SHTN1: variants seen among roughly 807,000 people sequenced by gnomAD.
SHTN1 encodes the protein shootin 1.
A neutral mutation model predicts 83.1 loss-of-function variants in SHTN1; 42 were observed. That is an observed-to-expected ratio of 0.51 (90% CI 0.39 to 0.65). SHTN1 has a LOEUF of 0.65. Among genes scored for constraint, SHTN1 ranks in the 30% least tolerant of loss-of-function variants. The pLI is 0.00. For synonymous variants in SHTN1, 224 were observed against 247.7 expected (o/e 0.90, Z 0.90); for missense variants, 622 against 737.8 (o/e 0.84, Z 1.82).
chr10:117,112,095 A>G (rs757517575), intron 1 of SHTN1, among the ~76,000 whole-genome samples: 2 of 152,072 alleles, frequency 1.3e-5, no homozygotes, highest in African/African-American at 2.4e-5. Flanking sequence ...CCTCCCAAGT[A>G]GCTGGAATTA....
At chr10:117,058,450 A>G (rs910586666) in intron 1 of SHTN1, among the ~76,000 whole-genome samples, 2 of 152,232 alleles carry the variant, frequency 1.3e-5, no homozygotes, top group Non-Finnish European at 1.5e-5. Flanking sequence ...ATCATTAAGT[A>G]AACACAAATC....
At chr10:116,908,548 T>G (rs974951780) in intron 14 of SHTN1, among the ~76,000 whole-genome samples, 1 of 152,222 alleles carries the variant, frequency 6.6e-6, no homozygotes. Flanking sequence ...CTATCATTTG[T>G]AAACAGATAT....
intron 8 of SHTN1, among the ~76,000 whole-genome samples, chr10:116,943,253 T>C (rs1057061882): frequency 6.6e-6 from 1 of 152,220 alleles, no homozygotes; most frequent in Non-Finnish European, 1.5e-5. Context: ...CATTTTTGTC[T>C]TCTTACTGCA....
upstream of SHTN1, chr10:117,005,238 T>C: frequency 6.7e-7 from 1 of 1,488,690 alleles, no homozygotes; most frequent in Non-Finnish European, 8.9e-7. Context: ...AGCGCGCGAG[T>C]GAGATCATCC....
chr10:117,065,157 G>A (rs1037125322), intron 1 of SHTN1, among the ~76,000 whole-genome samples: 2 of 152,122 alleles, frequency 1.3e-5, no homozygotes, highest in Non-Finnish European at 2.9e-5. Flanking sequence ...GGCCTGTAGG[G>A]AGGTTGGGGG....
At chr10:116,964,328 G>A (rs913132635) in intron 3 of SHTN1, among the ~76,000 whole-genome samples, 2 of 152,112 alleles carry the variant, frequency 1.3e-5, no homozygotes, top group East Asian at 1.9e-4. Context: ...TTGAGAACAC[G>A]GAGGCCCAGA....
intron 1 of SHTN1, among the ~76,000 whole-genome samples, chr10:117,064,072 C>A (rs1852937278): frequency 6.6e-6 from 1 of 152,156 alleles, no homozygotes; most frequent in African/African-American, 2.4e-5. Flanking sequence ...CCCTTTACAG[C>A]AAGTCTCATT....
chr10:117,123,499 A>G (rs1853960204), intron 1 of SHTN1, among the ~76,000 whole-genome samples: 1 of 152,182 alleles, frequency 6.6e-6, no homozygotes, highest in Admixed American at 6.5e-5. Context: ...CAATAATGAC[A>G]TAAGTGACCC....
intron 16 of SHTN1, chr10:116,900,733 G>T (rs1847701404): frequency 1.0e-6 from 1 of 983,944 alleles, no homozygotes; most frequent in Non-Finnish European, 1.2e-6. Context: ...CTTTCTGTTA[G>T]AACTGTTCAA....
chr10:117,013,858 A>G (rs1852142010), intron 2 of SHTN1, among the ~76,000 whole-genome samples: 1 of 152,236 alleles, frequency 6.6e-6, no homozygotes, highest in Non-Finnish European at 1.5e-5. Flanking sequence ...AACTGGAAAA[A>G]GCCAAGATGT....
chr10:117,117,820 G>A (rs1323664368), intron 1 of SHTN1, among the ~76,000 whole-genome samples: 1 of 152,098 alleles, frequency 6.6e-6, no homozygotes, highest in Non-Finnish European at 1.5e-5. Flanking sequence ...AAACAGTGCT[G>A]GGGAAATTGA....
chr10:117,049,208 C>G (rs1435130525), intron 1 of SHTN1, among the ~76,000 whole-genome samples: 2 of 152,070 alleles, frequency 1.3e-5, no homozygotes, highest in Non-Finnish European at 2.9e-5. Flanking sequence ...TTCAAAACAT[C>G]CAACCACAGC....
chr10:117,023,795 A>G (rs1396210698), intron 2 of SHTN1: 1 of 152,640 alleles, frequency 6.6e-6, no homozygotes, highest in Non-Finnish European at 1.5e-5. Context: ...TATGCAACTA[A>G]AACTGACTAA....
At chr10:117,017,776 AT>A (rs1852202539) in intron 2 of SHTN1, among the ~76,000 whole-genome samples, 2 of 152,196 alleles carry the variant, frequency 1.3e-5, no homozygotes, top group Admixed American at 1.3e-4. Flanking sequence ...ACAGTGGCGA[AT>A]CCTAGCAGAC....
intron 1 of SHTN1, among the ~76,000 whole-genome samples, chr10:117,062,546 G>GC (rs994075864): frequency 3.9e-5 from 6 of 152,064 alleles, no homozygotes; most frequent in Admixed American, 2.6e-4. Flanking sequence ...TGTCAGCAAG[G>GC]CCATTTATCA....
chr10:116,906,138 T>C (rs928689252), intron 15 of SHTN1, among the ~76,000 whole-genome samples: 2 of 152,274 alleles, frequency 1.3e-5, no homozygotes, highest in African/African-American at 2.4e-5. Context: ...TGCACATTGC[T>C]AAGCATTTTT....
At chr10:116,897,547 A>T (rs1046332209) in intron 16 of SHTN1, among the ~76,000 whole-genome samples, 2 of 152,186 alleles carry the variant, frequency 1.3e-5, no homozygotes, top group African/African-American at 4.8e-5. Context: ...CCACTCAAAA[A>T]CCCAGGGGTC....
rs1050930535 is a variant in SHTN1 at position 117,065,704 on chromosome 10, C to T, written c.-188-17194G>A. On this transcript the variant is annotated intron_variant, in intron 1 of 17. Coordinates refer to the SHTN1 transcript ENST00000392901. ...CTGCAGTCTAGCCTGGGCAACAAAG[C>T]GAGAGAGAGAGAGAGAGAGAGATGA... 6.0e-4 allele frequency among the ~76,000 whole-genome samples: 48 copies of T among 79,642 alleles called. 1 individual carries two copies. The highest frequency in any genetic ancestry group is 2.3e-3 in the African/African-American group (44 of 19,090). 52.2% of individuals were successfully genotyped at this position (79,642 alleles called of 152,430 possible).
At chr10:116,931,304 A>G (rs1848955051) in intron 9 of SHTN1, among the ~76,000 whole-genome samples, 1 of 152,088 alleles carries the variant, frequency 6.6e-6, no homozygotes, top group Non-Finnish European at 1.5e-5. Flanking sequence ...GCTGGAGTGC[A>G]GTGGCGCGAT....
Sources: allele counts gnomAD v4.1 joint callset (sites outside exome capture counted in the v4.1 genomes callset), GRCh38; gene constraint gnomAD v4.1.1; transcripts MANE v1.5; gene names NCBI Gene and HGNC (gene_info 2026-07-23, HGNC 2026-07-21).